Variants in CDC73 observed in about 807,000 individuals in gnomAD.
CDC73 encodes cell division cycle 73, also known as parafibromin.
In CDC73, 21 loss-of-function variants were observed where a neutral mutation model predicts 83.7. That is an observed-to-expected ratio of 0.25 (90% CI 0.18 to 0.36). The LOEUF (loss-of-function observed/expected upper bound fraction) is 0.36, where lower values mean the gene tolerates loss of function less well. Ranked by LOEUF, CDC73 falls within the 10% of genes least tolerant of loss-of-function variation. The pLI, the probability that CDC73 is intolerant of heterozygous loss-of-function variation, is 1.00. For missense variants in CDC73, 342 were observed against 653.3 expected (o/e 0.52, Z 5.19); for synonymous variants, 224 against 212.9 (o/e 1.05, Z -0.45).
chr1:193,201,067 A>G (rs747001821), intron 10 of CDC73, among the ~76,000 whole-genome samples: 4 of 141,736 alleles, frequency 2.8e-5, no homozygotes, highest in Middle Eastern at 7.0e-3. Context: ...TCACAACTGT[A>G]TAACTCTTTG....
intron 7 of CDC73, among the ~76,000 whole-genome samples, chr1:193,145,296 CAAAG>C (rs1675977314): frequency 6.6e-6 from 1 of 152,126 alleles, no homozygotes; most frequent in Non-Finnish European, 1.5e-5. Context: ...GGTATGATAT[CAAAG>C]AAGACTATCC....
At chr1:193,217,816 A>G (rs1233830046) in intron 13 of CDC73, among the ~76,000 whole-genome samples, 1 of 151,898 alleles carries the variant, frequency 6.6e-6, no homozygotes, top group East Asian at 1.9e-4. Context: ...GCCCTCCTCT[A>G]CCCAGCACTT....
intron 1 of CDC73, among the ~76,000 whole-genome samples, chr1:193,123,442 GT>G (rs1675502894): frequency 1.3e-5 from 2 of 152,232 alleles, no homozygotes; most frequent in Middle Eastern, 3.4e-3. Context: ...GGTCAGGCTG[GT>G]CTCGAACTCC....
intron 13 of CDC73, among the ~76,000 whole-genome samples, chr1:193,213,025 A>G (rs1259335260): frequency 1.3e-5 from 2 of 152,192 alleles, no homozygotes; most frequent in African/African-American, 4.8e-5. Flanking sequence ...TTGTTCTAAT[A>G]AACATGCATC....
chr1:193,166,428 A>T (rs2103146157), intron 10 of CDC73, among the ~76,000 whole-genome samples: 2 of 152,286 alleles, frequency 1.3e-5, no homozygotes, highest in East Asian at 3.9e-4. Flanking sequence ...GGTGTGAGCC[A>T]CTGCGCCCAG....
chr1:193,221,495 A>T (rs552337272), intron 13 of CDC73, among the ~76,000 whole-genome samples: 37 of 152,094 alleles, frequency 2.4e-4, no homozygotes, highest in African/African-American at 8.4e-4. Context: ...GACAACTTTT[A>T]AAAAAATAAA....
chr1:193,213,764 G>T (rs901286416), intron 13 of CDC73, among the ~76,000 whole-genome samples: 2 of 152,182 alleles, frequency 1.3e-5, no homozygotes, highest in Non-Finnish European at 2.9e-5. Flanking sequence ...TATTTGAAGT[G>T]CTACTGGCTT....
intron 14 of CDC73, among the ~76,000 whole-genome samples, chr1:193,234,298 ATAAT>A (rs1258533449): frequency 7.3e-6 from 1 of 137,716 alleles, no homozygotes; most frequent in East Asian, 2.0e-4. Context: ...TATTATATAT[ATAAT>A]ATAATTTAAA....
chr1:193,168,803 G>T (rs574149111), intron 10 of CDC73, among the ~76,000 whole-genome samples: 1 of 152,208 alleles, frequency 6.6e-6, no homozygotes, highest in South Asian at 2.1e-4. Context: ...GGGATTACAC[G>T]CGTGAGCCAC....
intron 10 of CDC73, among the ~76,000 whole-genome samples, chr1:193,154,081 T>G (rs1429721068): frequency 1.3e-5 from 2 of 152,234 alleles, no homozygotes; most frequent in Admixed American, 1.3e-4. Context: ...AGATTTAGTT[T>G]AAATTCTTAT....
chr1:193,193,780 AGTGTGT>A (rs71111459), intron 10 of CDC73, among the ~76,000 whole-genome samples: 57,465 of 135,564 alleles, frequency 0.42, 12,659 homozygotes, highest in South Asian at 0.51. Context: ...TCTTACTTGT[AGTGTGT>A]GTGTGTGTGT....
Position 193,183,028 on chromosome 1 carries a change from A to T in CDC73, c.973-20767A>T, listed in dbSNP as rs565185986. On this transcript the variant is annotated intron_variant, in intron 10 of 16. Coordinates refer to ENST00000367435, the MANE Select transcript of CDC73 (RefSeq NM_024529.5). ...TGTATTTAGCCTGTGATAATGAGAG[A>T]GTCATGGTTAATATTAAATTTGTTT... is the stretch of plus-strand genomic sequence containing the variant. Among the ~76,000 whole-genome samples, 165 of 152,114 alleles carry T rather than the reference A, an allele frequency of 1.1e-3. 1 individual carries two copies. The highest frequency in any genetic ancestry group is 3.8e-3 in the African/African-American group (159 of 41,524).
At chr1:193,179,527 A>G (rs947603120) in intron 10 of CDC73, 10 of 152,746 alleles carry the variant, frequency 6.5e-5, no homozygotes, top group African/African-American at 2.4e-4. Context: ...ACTCATTGAA[A>G]TAGGAGTTTG....
intron 10 of CDC73, among the ~76,000 whole-genome samples, chr1:193,198,803 G>C (rs1203147874): frequency 6.6e-6 from 1 of 152,208 alleles, no homozygotes; most frequent in Admixed American, 6.5e-5. Flanking sequence ...GCCCAGATCT[G>C]TTCTGCTTAC....
chr1:193,208,927 C>A (rs191960617), intron 11 of CDC73, among the ~76,000 whole-genome samples: 2 of 152,172 alleles, frequency 1.3e-5, no homozygotes, highest in East Asian at 3.8e-4. Context: ...AGCTTAAATG[C>A]CACTTTCTTT....
At chr1:193,174,614 A>G (rs935251155) in intron 10 of CDC73, among the ~76,000 whole-genome samples, 2 of 152,144 alleles carry the variant, frequency 1.3e-5, no homozygotes, top group Non-Finnish European at 2.9e-5. Context: ...CCACTTGACA[A>G]TCCTTTCATA....
intron 1 of CDC73, chr1:193,122,583 T>G (rs1675474549): frequency 4.2e-6 from 2 of 475,694 alleles, no homozygotes; most frequent in African/African-American, 2.0e-5. Context: ...GTTTCTGACT[T>G]TTACAGTTAA....
chr1:193,215,858 G>A (rs1013789539), intron 13 of CDC73, among the ~76,000 whole-genome samples: 5 of 152,066 alleles, frequency 3.3e-5, no homozygotes, highest in Admixed American at 6.6e-5. Flanking sequence ...CCGAAGGGCT[G>A]GGATTACAGG....
In CDC73 at chr1:193,253,580, T is replaced by C; in HGVS notation, c.*2868T>C. The C allele has an allele frequency of 4.3e-6, 1 of 232,064 alleles. No individual in the cohort carries two copies. The highest frequency in any genetic ancestry group is 1.8e-4 in the South Asian group (1 of 5,526). 14.4% of individuals were successfully genotyped at this position (232,064 alleles called of 1,614,324 possible). A position where few individuals can be genotyped will look rare whatever the true frequency, so the allele number is the denominator to read the frequency against. On this transcript the variant is annotated 3_prime_UTR_variant, in exon 17 of 17. Coordinates refer to ENST00000367435, the MANE Select transcript of CDC73 (RefSeq NM_024529.5). ...TTTAATGTATTTCATTATTAACTAG[T>C]ATTATAGTTTGTTTTTTTCCCATGT...
Sources: gnomAD v4.1 joint callset for allele counts (sites outside exome capture counted in the v4.1 genomes callset) on GRCh38, gnomAD v4.1.1 for gene constraint, MANE v1.5 for transcripts, NCBI Gene and HGNC (gene_info 2026-07-23, HGNC 2026-07-21) for gene names.